Variants in MELK observed in about 807,000 individuals in gnomAD.
The protein encoded by MELK is maternal embryonic leucine zipper kinase, also known as pEg3 kinase.
In MELK, 81 loss-of-function variants were observed where a neutral mutation model predicts 85.0. The observed-to-expected ratio is 0.95, with a 90% CI of 0.80 to 1.15. The LOEUF is 1.15. Among genes scored for constraint, MELK ranks in the 50% most tolerant of loss-of-function variants. The probability of loss-of-function intolerance (pLI) is 0.00; values close to 1 mark genes in which losing one functional copy is unlikely to be tolerated. For missense variants in MELK, 754 were observed against 777.5 expected (o/e 0.97, Z 0.36); for synonymous variants, 252 against 265.0 (o/e 0.95, Z 0.48).
Position 36,584,406 on chromosome 9 carries a change from C to T in MELK, c.144+694C>T, listed in dbSNP as rs1049842035. Among the ~76,000 whole-genome samples the T allele has an allele frequency of 2.7e-5, 4 of 150,478 alleles. No homozygotes were observed. In the Admixed American group the frequency reaches 2.7e-4, roughly 10 times the overall value. On this transcript the variant is annotated intron_variant, in intron 3 of 17. Transcript: ENST00000298048. The stretch of plus-strand genomic sequence containing the variant: ...GATCTTGGCTCACGGCGACCTCCGC[C>T]TCCCAGGTTCACGCCATTCTCCTGC...
chr9:36,599,883 G>GT (rs1321530585), intron 7 of MELK, among the ~76,000 whole-genome samples: 1 of 152,196 alleles, frequency 6.6e-6, no homozygotes, highest in East Asian at 1.9e-4. Flanking sequence ...CAGCAGCCCT[G>GT]TGTAGGAGTC....
chr9:36,597,352 A>AT, intron 6 of MELK, 62 bp downstream of exon 6: 1 of 1,441,260 alleles, frequency 6.9e-7, no homozygotes, highest in Non-Finnish European at 9.7e-7. Flanking sequence ...TTAGTGTGTG[A>AT]TTTTGTCCTG....
At chr9:36,612,880 T>G (rs183221063) in intron 8 of MELK, among the ~76,000 whole-genome samples, 2 of 152,368 alleles carry the variant, frequency 1.3e-5, no homozygotes, top group East Asian at 3.9e-4. Flanking sequence ...GCTTGGAAGT[T>G]CAACTCCACC....
At chr9:36,597,351 G>T in intron 6 of MELK, 61 bp downstream of exon 6, 1 of 1,442,722 alleles carries the variant, frequency 6.9e-7, no homozygotes, top group South Asian at 1.2e-5. Flanking sequence ...CTTAGTGTGT[G>T]ATTTTGTCCT....
intron 11 of MELK, among the ~76,000 whole-genome samples, chr9:36,649,451 C>T (rs1830497202): frequency 6.6e-6 from 1 of 152,076 alleles, no homozygotes; most frequent in Admixed American, 6.5e-5. Flanking sequence ...CGCGCCACTG[C>T]ACTCCAGCCT....
intron 6 of MELK, among the ~76,000 whole-genome samples, chr9:36,598,676 C>G (rs1208545271): frequency 6.6e-6 from 1 of 152,030 alleles, no homozygotes; most frequent in Admixed American, 6.6e-5. Flanking sequence ...AAATAGAGCT[C>G]TTCTGTATTT....
In MELK at chr9:36,607,664, G is replaced by A. The variant is rs144075335; in HGVS notation, c.657G>A (p.Lys219=). 32 of 1,592,904 alleles carry A rather than the reference G, an allele frequency of 2.0e-5. No homozygotes were observed. The African/African-American group carries it at 3.0e-4, about 15-fold the overall frequency. ...ATGATAATGTAATGGCTTTATACAA[G>A]AAGATTATGGTGAGTATTACAAGGC... ...FDDDNVMALY[K]KIMRGKYDVP... The change falls in exon 8 of 18, where the codon AAG becomes AAA. Residue 219 remains lysine (K), a synonymous_variant. Coordinates refer to ENST00000298048, the MANE Select transcript of MELK (RefSeq NM_014791.4).
chr9:36,660,681 T>A (rs1263242726), intron 13 of MELK, among the ~76,000 whole-genome samples: 5 of 151,368 alleles, frequency 3.3e-5, no homozygotes, highest in Non-Finnish European at 7.4e-5. Context: ...GGGCAGGCTC[T>A]GAGTAAGGTC....
At chr9:36,592,317 G>A (rs1179881193) in intron 4 of MELK, among the ~76,000 whole-genome samples, 1 of 151,794 alleles carries the variant, frequency 6.6e-6, no homozygotes, top group Non-Finnish European at 1.5e-5. Context: ...TGGGATTGTA[G>A]GCACGTGCCA....
chr9:36,611,866 A>G (rs1041662782), intron 8 of MELK, among the ~76,000 whole-genome samples: 1 of 151,562 alleles, frequency 6.6e-6, no homozygotes, highest in African/African-American at 2.4e-5. Flanking sequence ...TCCACCTCCC[A>G]GGTTCAAGCA....
At chr9:36,604,217 C>T (rs1564148521) in intron 7 of MELK, among the ~76,000 whole-genome samples, 1 of 150,784 alleles carries the variant, frequency 6.6e-6, no homozygotes, top group East Asian at 2.0e-4. Context: ...GATCTGCCCA[C>T]CTCGGCTTCC....
At chr9:36,623,654 T>C (rs1176256078) in intron 8 of MELK, among the ~76,000 whole-genome samples, 1 of 152,238 alleles carries the variant, frequency 6.6e-6, no homozygotes, top group Non-Finnish European at 1.5e-5. Context: ...AGTGGGGCAG[T>C]GCTCCATTGG....
chr9:36,580,624 C>CTT (rs202201969), intron 1 of MELK, among the ~76,000 whole-genome samples: 28 of 147,556 alleles, frequency 1.9e-4, no homozygotes, highest in Middle Eastern at 7.2e-3. Flanking sequence ...AGCTTCGTGT[C>CTT]TTTTTTTTTT....
chr9:36,636,066 C>T (rs898207128), intron 10 of MELK, among the ~76,000 whole-genome samples: 3 of 151,816 alleles, frequency 2.0e-5, no homozygotes, highest in Admixed American at 6.6e-5. Context: ...GGATTACAGG[C>T]GTGAGCCACT....
At chr9:36,657,652 A>G (rs1831384959) in intron 13 of MELK, among the ~76,000 whole-genome samples, 1 of 152,178 alleles carries the variant, frequency 6.6e-6, no homozygotes, top group Non-Finnish European at 1.5e-5. Flanking sequence ...GTGCAGTGGC[A>G]CGATCTCGGC....
Position 36,589,571 on chromosome 9 carries a change from C to T in MELK, c.180C>T (p.Ala60=). ...CCCGGATCAAAACGGAGATTGAGGC[C>T]TTGAAGAACCTGAGACATCAGCATA... ...DLPRIKTEIE[A]LKNLRHQHIC... is the part of the protein sequence containing the mutation. Residue 60 remains alanine, a synonymous_variant, in exon 4 of 18, where the codon GCC becomes GCT. Transcript: ENST00000298048. The T allele has an allele frequency of 6.2e-7, 1 of 1,614,016 alleles. No homozygotes were observed. The highest frequency in any genetic ancestry group is 8.5e-7 in the Non-Finnish European group (1 of 1,179,986).
chr9:36,656,519 C>G (rs1461964282), intron 12 of MELK, among the ~76,000 whole-genome samples: 1 of 152,204 alleles, frequency 6.6e-6, no homozygotes, highest in South Asian at 2.1e-4. Flanking sequence ...GGGCCTTGCC[C>G]TATGCCTGGA....
intron 8 of MELK, among the ~76,000 whole-genome samples, chr9:36,614,036 G>A (rs1201393236): frequency 2.6e-5 from 4 of 151,934 alleles, no homozygotes; most frequent in African/African-American, 7.3e-5. Flanking sequence ...GGAGGATATT[G>A]TAATGATTCA....
At chr9:36,631,315 C>T (rs9407054) in intron 9 of MELK, among the ~76,000 whole-genome samples, 56,899 of 151,356 alleles carry the variant, frequency 0.38, 13,062 homozygotes, top group African/African-American at 0.65. Flanking sequence ...TGGAGTGCAA[C>T]GGTGCGATCT....
Sources: gnomAD v4.1 joint callset for allele counts (sites outside exome capture counted in the v4.1 genomes callset) on GRCh38, gnomAD v4.1.1 for gene constraint, MANE v1.5 for transcripts, NCBI Gene and HGNC (gene_info 2026-07-23, HGNC 2026-07-21) for gene names.